Variants in TCAIM observed in about 807,000 individuals in gnomAD.
TCAIM encodes T cell activation inhibitor, mitochondrial, also known as T-cell activation inhibitor, mitochondrial.
Under a neutral mutation model 58.6 loss-of-function variants are expected in TCAIM, and 36 were observed. That is an observed-to-expected ratio of 0.61 (90% CI 0.47 to 0.81). The LOEUF is 0.81. TCAIM is among the 30% of genes least tolerant of loss of function. The pLI, the probability that TCAIM is intolerant of heterozygous loss-of-function variation, is 0.00. For synonymous variants in TCAIM, 172 were observed against 193.6 expected, an observed-to-expected ratio of 0.89 and a Z score of 0.93; for missense variants, 466 against 579.6, an observed-to-expected ratio of 0.80 and a Z score of 2.01.
intron 6 of TCAIM, among the ~76,000 whole-genome samples, chr3:44,395,324 T>C (rs1366708581): frequency 1.3e-5 from 2 of 152,156 alleles, no homozygotes; most frequent in Non-Finnish European, 2.9e-5. Context: ...GAATTAGTAT[T>C]AGGATAAAAG....
At chr3:44,368,166 T>G (rs540351077) in intron 5 of TCAIM, among the ~76,000 whole-genome samples, 1 of 152,346 alleles carries the variant, frequency 6.6e-6, no homozygotes, top group Admixed American at 6.5e-5. Context: ...GTGACCAAAT[T>G]ATTAAATATC....
At chr3:44,386,209 C>CAAAAAAAAAAAAAAA (rs10576012) in intron 5 of TCAIM, among the ~76,000 whole-genome samples, 1 of 54,988 alleles carries the variant, frequency 1.8e-5, no homozygotes, top group East Asian at 5.6e-4. Context: ...CCAGAAGCTC[C>CAAAAAAAAAAAAAAA]AAAAAAAAAA....
rs1376470323 is a variant in TCAIM, at chr3:44,403,284, TAGAG to T, written c.1250+1954_1250+1957del. 3.9e-5 allele frequency among the ~76,000 whole-genome samples: 6 copies of T among 152,010 alleles called. No homozygotes were observed. The South Asian group carries it at 1.3e-3, about 32-fold the overall frequency. ...ACTCCGTCTCAGAAAAATAAATAAA[TAGAG>T]AGAAGGGATGGCAACTAACGATGGA... is the stretch of plus-strand genomic sequence containing the variant. On this transcript the variant is annotated intron_variant, in intron 10 of 10. Transcript: ENST00000342649.
rs878990257 is a variant in TCAIM, at chr3:44,354,661, G to T, written c.-44-78G>T. ...TAATAACTAAGTATTTCATATTTTG[G>T]GGTGATAATATAAATCGCAATGTGT... On this transcript the variant is annotated intron_variant, in intron 1 of 10. Coordinates refer to ENST00000342649, the MANE Select transcript of TCAIM (RefSeq NM_173826.4). 6.0e-5 allele frequency: 55 copies of T among 912,342 alleles called. No individual in the cohort carries two copies. In the South Asian group the frequency reaches 6.8e-4, roughly 11 times the overall value. The allele number at this position is 912,342 out of a possible 1,614,324, so 56.5% of individuals were successfully genotyped here.
intron 10 of TCAIM, among the ~76,000 whole-genome samples, chr3:44,404,430 T>C (rs1702068781): frequency 6.6e-6 from 1 of 152,154 alleles, no homozygotes; most frequent in African/African-American, 2.4e-5. Flanking sequence ...GATTGACCTT[T>C]CACCTGCTTC....
Position 44,400,359 on chromosome 3 carries a change from T to C in TCAIM, c.890T>C (p.Phe297Ser), listed in dbSNP as rs777291774. The part of the protein sequence containing the change: ...MDVHHHWTKL[F>S]ERLPSYFDLQ... ...TTCCCTTTGTTAACACTGTAGCTTT[T>C]TGAAAGATTGCCAAGTTATTTTGAC... The change falls in exon 9 of 11, where the codon TTT becomes TCT. Residue 297 changes from phenylalanine to serine, a missense_variant. Phe to Ser is a radical substitution (Grantham distance 155). Coordinates refer to ENST00000342649, the MANE Select transcript of TCAIM (RefSeq NM_173826.4). 6.2e-7 allele frequency: 1 copy of C among 1,612,876 alleles called. No individual in the cohort carries two copies. Among genetic ancestry groups the C allele is most frequent in the Non-Finnish European group, 8.5e-7 (1 of 1,179,448 alleles).
chr3:44,352,599 A>G (rs1245758422), intron 1 of TCAIM, among the ~76,000 whole-genome samples: 1 of 152,212 alleles, frequency 6.6e-6, no homozygotes, highest in Non-Finnish European at 1.5e-5. Flanking sequence ...AAAATGGTAT[A>G]TTTATTACAG....
At chr3:44,396,541 T>C in intron 7 of TCAIM, 44 bp downstream of exon 7, 7 of 1,554,956 alleles carry the variant, frequency 4.5e-6, no homozygotes, top group Non-Finnish European at 6.1e-6. Context: ...TTAGCTGCTA[T>C]GTACGTCTAT....
intron 5 of TCAIM, among the ~76,000 whole-genome samples, chr3:44,390,088 TA>T (rs1392160579): frequency 6.6e-6 from 1 of 152,226 alleles, no homozygotes; most frequent in Non-Finnish European, 1.5e-5. Flanking sequence ...TCTAATTGCT[TA>T]TCTCTATATT....
intron 5 of TCAIM, among the ~76,000 whole-genome samples, chr3:44,378,666 C>A (rs1482047111): frequency 6.6e-6 from 1 of 151,658 alleles, no homozygotes; most frequent in African/African-American, 2.4e-5. Flanking sequence ...AAAAAATTAG[C>A]CAGGCATGGT....
At chr3:44,400,828 A>G (rs1308994815) in intron 9 of TCAIM, 1 of 536,902 alleles carries the variant, frequency 1.9e-6, no homozygotes, top group East Asian at 3.3e-5. Context: ...GGGCAAAGTC[A>G]ATCCAATGGA....
In TCAIM at chr3:44,367,650, G is replaced by A. The variant is rs1701401802; in HGVS notation, c.514G>A (p.Gly172Arg). Residue 172 changes from glycine (G) to arginine (R), a missense_variant, in exon 5 of 11, where the codon GGA becomes AGA. Physicochemically the swap from Gly to Arg is moderately radical, Grantham distance 125 (BLOSUM62 -2). Coordinates refer to ENST00000342649, the MANE Select transcript of TCAIM (RefSeq NM_173826.4). ...KWDKSYYSFTGFKDPDEDLEQ... is the reference protein window; with the variant it reads ...KWDKSYYSFTRFKDPDEDLEQ... ...GGACAAGTCTTATTACTCCTTTACT[G>A]GATTCAAGGACCCTGATGAAGACCT... is the stretch of plus-strand genomic sequence containing the variant. 6.2e-7 allele frequency: 1 copy of A among 1,613,928 alleles called. No homozygotes were observed. Among genetic ancestry groups the A allele is most frequent in the African/African-American group, 1.3e-5 (1 of 74,906 alleles).
chr3:44,350,553 T>C (rs925562414), intron 1 of TCAIM, among the ~76,000 whole-genome samples: 4 of 152,046 alleles, frequency 2.6e-5, no homozygotes, highest in African/African-American at 9.7e-5. Context: ...ACCTTAGCTT[T>C]CTGAGTAGCT....
At chr3:44,339,205 A>G (rs2125711612) in intron 1 of TCAIM, among the ~76,000 whole-genome samples, 1 of 152,238 alleles carries the variant, frequency 6.6e-6, no homozygotes, top group East Asian at 1.9e-4. Context: ...TACTCTAAGA[A>G]GTTCATATTC....
At position 44,354,824 on chromosome 3, in the gene TCAIM, G is replaced by A. The variant is rs777205671; in HGVS notation, c.29+13G>A. On this transcript the variant is annotated intron_variant, in intron 2 of 10. Transcript: ENST00000342649. ...GACCTATGAGGAGGTAAGCATCATG[G>A]TCCAATCTGTAATTAGTATTGTGGC... 19 of 1,609,986 alleles carry A rather than the reference G, an allele frequency of 1.2e-5. No homozygotes were observed. The highest frequency in any genetic ancestry group is 5.5e-5 in the South Asian group (5 of 90,182).
At chr3:44,373,070 G>T (rs1468411958) in intron 5 of TCAIM, among the ~76,000 whole-genome samples, 1 of 151,854 alleles carries the variant, frequency 6.6e-6, no homozygotes, top group Non-Finnish European at 1.5e-5. Context: ...TTGTGTCCTA[G>T]CATTTTTAAA....
At chr3:44,389,616 ATAG>A in intron 5 of TCAIM, among the ~76,000 whole-genome samples, 1 of 152,312 alleles carries the variant, frequency 6.6e-6, no homozygotes, top group South Asian at 2.1e-4. Flanking sequence ...GCCATATCCA[ATAG>A]TAGTGATGTA....
intron 3 of TCAIM, chr3:44,359,752 A>AT (rs1643062126): frequency 6.6e-6 from 1 of 152,154 alleles, no homozygotes; most frequent in African/African-American, 2.4e-5. Flanking sequence ...CCCTTTGCTG[A>AT]TTTTAATCTC....
intron 9 of TCAIM, chr3:44,400,829 A>G: frequency 1.9e-6 from 1 of 537,072 alleles, no homozygotes; most frequent in Non-Finnish European, 3.3e-6. Context: ...GGCAAAGTCA[A>G]TCCAATGGAA....
Sources: gnomAD v4.1 joint callset for allele counts (sites outside exome capture counted in the v4.1 genomes callset) on GRCh38, gnomAD v4.1.1 for gene constraint, MANE v1.5 for transcripts, NCBI Gene and HGNC (gene_info 2026-07-23, HGNC 2026-07-21) for gene names.